Variants in USP12 observed in about 807,000 individuals in gnomAD.
USP12 encodes ubiquitin carboxyl-terminal hydrolase 12.
A neutral mutation model predicts 45.5 loss-of-function variants in USP12; 19 were observed. That is an observed-to-expected ratio of 0.42 (90% CI 0.29 to 0.61). USP12 has a LOEUF of 0.61. USP12 is among the 20% of genes least tolerant of loss of function. The pLI, the probability that USP12 is intolerant of heterozygous loss-of-function variation, is 0.22. For synonymous variants in USP12, 149 were observed against 148.8 expected (o/e 1.00, Z -0.01); for missense variants, 242 against 447.7 (o/e 0.54, Z 4.15).
At chr13:27,126,368 C>G (rs1011352432) in intron 1 of USP12, among the ~76,000 whole-genome samples, 7 of 152,190 alleles carry the variant, frequency 4.6e-5, no homozygotes, top group African/African-American at 1.7e-4. Context: ...CAAACTCCAA[C>G]AGACCTGCAG....
At chr13:27,071,402 C>T (rs515025) in intron 7 of USP12, among the ~76,000 whole-genome samples, 146,596 of 152,256 alleles carry the variant, frequency 0.96, 70,822 homozygotes, top group East Asian at 1. Context: ...AGCTATATTA[C>T]TGAAATTTTT....
At chr13:27,108,883 G>C (rs1256293099) in intron 2 of USP12, among the ~76,000 whole-genome samples, 1 of 152,180 alleles carries the variant, frequency 6.6e-6, no homozygotes, top group Non-Finnish European at 1.5e-5. Context: ...AGAGGTTGCA[G>C]TGAGCCAAGA....
chr13:27,067,487 GAAACTTGTCAAA>G lies in USP12; in HGVS notation c.*1784_*1795del. ...AAGGCTTTAGGAACTATCTTAAAAA[GAAACTTGTCAAA>G]ATACTTTTTGATATTTTGTACAAAT... On this transcript the variant is annotated 3_prime_UTR_variant, in exon 9 of 9. Transcript: ENST00000282344. 6.6e-6 allele frequency: 1 copy of G among 152,048 alleles called. No homozygotes were observed. Among genetic ancestry groups the G allele is most frequent in the Admixed American group, 6.5e-5 (1 of 15,270 alleles). The allele number at this position is 152,048 out of a possible 1,614,324, so 9.4% of individuals were successfully genotyped here.
intron 6 of USP12, among the ~76,000 whole-genome samples, chr13:27,086,195 A>ATATATATATATATATATAT (rs1326329926): frequency 1.6e-5 from 1 of 62,008 alleles, no homozygotes; most frequent in Non-Finnish European, 3.0e-5. Flanking sequence ...AAAAAAAAAA[A>ATATATATATATATATATAT]AAATATATAT....
intron 2 of USP12, among the ~76,000 whole-genome samples, chr13:27,114,565 T>C (rs1157160442): frequency 1.3e-5 from 2 of 152,202 alleles, no homozygotes; most frequent in Non-Finnish European, 1.5e-5. Flanking sequence ...GAAATCCTCA[T>C]TCTATGTATT....
rs534427786 is a variant in USP12, at chr13:27,124,862, C to G, written c.49-8266G>C. Among the ~76,000 whole-genome samples, 41 of 152,274 alleles carry G rather than the reference C, an allele frequency of 2.7e-4. 1 individual carries two copies. The South Asian group carries it at 7.9e-3, about 29-fold the overall frequency. On this transcript the variant is annotated intron_variant, in intron 1 of 8. Coordinates refer to ENST00000282344, the MANE Select transcript of USP12 (RefSeq NM_182488.4). ...CCTGTTCTAGAAAACACCATGTGCC[C>G]AGAAACTGAATCAAAGGCAATGAGA...
chr13:27,170,927 T>A (rs182699174), intron 1 of USP12, among the ~76,000 whole-genome samples: 1 of 152,194 alleles, frequency 6.6e-6, no homozygotes, highest in East Asian at 1.9e-4. Context: ...ACAGTACTTA[T>A]TTAAAGTTTC....
chr13:27,074,134 C>T (rs560168637), intron 7 of USP12, among the ~76,000 whole-genome samples: 41 of 152,298 alleles, frequency 2.7e-4, no homozygotes, highest in Admixed American at 1.1e-3. Flanking sequence ...GGCGCGGTGG[C>T]TCACGCGTGT....
At chr13:27,088,297 T>TC (rs952992821) in intron 6 of USP12, among the ~76,000 whole-genome samples, 8 of 151,508 alleles carry the variant, frequency 5.3e-5, no homozygotes, top group African/African-American at 9.7e-5. Context: ...GCGCCTGTAG[T>TC]CCCAGCTACT....
At chr13:27,164,533 T>A (rs1025379676) in intron 1 of USP12, among the ~76,000 whole-genome samples, 5 of 152,198 alleles carry the variant, frequency 3.3e-5, no homozygotes, top group Admixed American at 6.5e-5. Context: ...TTCTTATAGT[T>A]TACACTATCA....
chr13:27,105,510 G>A (rs1202377926), intron 3 of USP12, among the ~76,000 whole-genome samples: 2 of 152,150 alleles, frequency 1.3e-5, no homozygotes, highest in Non-Finnish European at 2.9e-5. Flanking sequence ...TTTTATCACT[G>A]TATAACGCAA....
At chr13:27,113,261 C>G (rs548884876) in intron 2 of USP12, among the ~76,000 whole-genome samples, 1 of 151,994 alleles carries the variant, frequency 6.6e-6, no homozygotes, top group Admixed American at 6.6e-5. Context: ...TTTCTCAAAA[C>G]AAAAACAAAA....
chr13:27,085,552 C>G (rs1157868231), intron 6 of USP12, among the ~76,000 whole-genome samples: 1 of 151,926 alleles, frequency 6.6e-6, no homozygotes, highest in African/African-American at 2.4e-5. Context: ...CCTATTATTC[C>G]AAGACGGAGA....
At chr13:27,152,892 A>G (rs1233795247) in intron 1 of USP12, among the ~76,000 whole-genome samples, 1 of 148,344 alleles carries the variant, frequency 6.7e-6, no homozygotes, top group Admixed American at 6.8e-5. Flanking sequence ...CAGTGAGTGG[A>G]TATCGCACCA....
At chr13:27,076,729 C>T (rs1245818664) in intron 6 of USP12, among the ~76,000 whole-genome samples, 1 of 151,992 alleles carries the variant, frequency 6.6e-6, no homozygotes, top group Non-Finnish European at 1.5e-5. Context: ...TATGGTAAGC[C>T]ACTGCCTCTA....
At chr13:27,105,621 C>T (rs1593186480) in intron 3 of USP12, 110 bp downstream of exon 3, 1 of 1,047,720 alleles carries the variant, frequency 9.5e-7, no homozygotes, top group African/African-American at 1.6e-5. Flanking sequence ...GTTTCTTCAA[C>T]AGCTAACATG....
intron 2 of USP12, 62 bp from the exon 3 acceptor site, chr13:27,106,006 C>T (rs888035417): frequency 7.1e-7 from 1 of 1,413,034 alleles, no homozygotes; most frequent in Non-Finnish European, 9.6e-7. Context: ...GAGAGAAATT[C>T]CCGGTATATG....
intron 1 of USP12, among the ~76,000 whole-genome samples, chr13:27,128,307 TCTGTCAA>T (rs1437614043): frequency 6.6e-6 from 1 of 152,218 alleles, no homozygotes; most frequent in Non-Finnish European, 1.5e-5. Context: ...CAAGAACCAC[TCTGTCAA>T]GCCTTCACAT....
At chr13:27,117,103 A>C (rs1027242033) in intron 1 of USP12, among the ~76,000 whole-genome samples, 2 of 152,244 alleles carry the variant, frequency 1.3e-5, no homozygotes, top group South Asian at 4.1e-4. Flanking sequence ...GAAAAGAAAA[A>C]GGAGAAAAGA....
Sources: allele counts gnomAD v4.1 joint callset (sites outside exome capture counted in the v4.1 genomes callset), GRCh38; gene constraint gnomAD v4.1.1; transcripts MANE v1.5; gene names NCBI Gene and HGNC (gene_info 2026-07-23, HGNC 2026-07-21).